TARS3: variants seen among roughly 807,000 people sequenced by gnomAD.
TARS3 encodes threonyl-tRNA synthetase 3.
TARS3 carries 94 observed loss-of-function variants against 103.5 expected under a neutral mutation model. The ratio of observed to expected loss-of-function variants is 0.91; its 90% CI spans 0.77 to 1.08. TARS3 has a LOEUF of 1.08. Among genes scored for constraint, TARS3 ranks in the 50% least tolerant of loss-of-function variants. TARS3 has a pLI of 0.00. For missense variants in TARS3, 952 were observed against 995.2 expected (o/e 0.96, Z 0.58); for synonymous variants, 416 against 355.4 (o/e 1.17, Z -1.92).
chr15:101,654,632 G>GT lies in TARS3; in HGVS notation c.2358dup (p.Leu787ThrfsTer13). ...GTCCGTGTCTTCCTGAGATTCTTCA[G>GT]TTTATCAATGGCAGAAGTTACTAAA... On this transcript the variant is annotated frameshift_variant, in exon 19 of 19. Transcript: ENST00000335968. LOFTEE classifies it high-confidence loss of function. 1 of 1,614,178 alleles carries GT rather than the reference G, an allele frequency of 6.2e-7. No homozygotes were observed. The highest frequency in any genetic ancestry group is 8.5e-7 in the Non-Finnish European group (1 of 1,180,018).
intron 12 of TARS3, among the ~76,000 whole-genome samples, chr15:101,683,487 C>T (rs7181172): frequency 0.63 from 96,289 of 152,054 alleles, 31,362 homozygotes; most frequent in East Asian, 0.95. Context: ...AAATATTCTA[C>T]GTGCAATTTC....
intron 1 of TARS3, 92 bp downstream of exon 1, chr15:101,723,999 C>G: frequency 1.6e-6 from 2 of 1,216,018 alleles, no homozygotes; most frequent in South Asian, 4.3e-5. Context: ...GGGGCGCCCC[C>G]GCACCTGCCC....
chr15:101,702,707 C>T (rs1229368214), intron 8 of TARS3, among the ~76,000 whole-genome samples: 1 of 152,170 alleles, frequency 6.6e-6, no homozygotes, highest in African/African-American at 2.4e-5. Flanking sequence ...GAGGTCGAGG[C>T]TGCAGTGAGC....
intron 12 of TARS3, among the ~76,000 whole-genome samples, chr15:101,683,616 A>G (rs942656603): frequency 6.6e-6 from 1 of 152,218 alleles, no homozygotes; most frequent in Non-Finnish European, 1.5e-5. Context: ...CCCACCCCAC[A>G]TGAAGCACAT....
chr15:101,699,710 C>G (rs1425422890), intron 10 of TARS3, among the ~76,000 whole-genome samples: 1 of 152,150 alleles, frequency 6.6e-6, no homozygotes, highest in Non-Finnish European at 1.5e-5. Context: ...GATGTGTACC[C>G]CAGGTGATAG....
At chr15:101,676,463 T>C (rs1042711174) in intron 12 of TARS3, among the ~76,000 whole-genome samples, 2 of 152,084 alleles carry the variant, frequency 1.3e-5, no homozygotes, top group African/African-American at 4.8e-5. Context: ...ATTTGAGACA[T>C]CAAGTCTTTC....
At chr15:101,710,362 T>C (rs956119069) in intron 5 of TARS3, among the ~76,000 whole-genome samples, 2 of 152,208 alleles carry the variant, frequency 1.3e-5, no homozygotes, top group Admixed American at 6.5e-5. Context: ...TCTAGCAAAT[T>C]ATTGAACCCA....
At chr15:101,695,367 C>T (rs554987215) in intron 10 of TARS3, among the ~76,000 whole-genome samples, 27 of 152,280 alleles carry the variant, frequency 1.8e-4, no homozygotes, top group African/African-American at 6.3e-4. Context: ...TATGCATTCT[C>T]TGACTTATCT....
rs1897140443 is a variant in TARS3, at chr15:101,654,877, T to G, written c.2261-147A>C. 7 of 786,756 alleles carry G rather than the reference T, an allele frequency of 8.9e-6. No individual in the cohort carries two copies. In the Admixed American group the frequency reaches 2.0e-4, roughly 22 times the overall value. The allele number at this position is 786,756 out of a possible 1,614,324, so 48.7% of individuals were successfully genotyped here. The stretch of plus-strand genomic sequence containing the variant: ...AGCATTTGGTTCATCCTCTGATAGT[T>G]AAGTTTCTTGAGGGAAGCAATGACT... On this transcript the variant is annotated intron_variant, in intron 18 of 18. Coordinates refer to ENST00000335968, the MANE Select transcript of TARS3 (RefSeq NM_152334.3).
chr15:101,702,787 C>A (rs1399241657), intron 8 of TARS3, among the ~76,000 whole-genome samples: 1 of 152,138 alleles, frequency 6.6e-6, no homozygotes, highest in Admixed American at 6.5e-5. Context: ...AACAAACAAA[C>A]AAACAAAATC....
Position 101,683,979 on chromosome 15 carries a change from C to G in TARS3, c.1650+96G>C, listed in dbSNP as rs537208993. The stretch of plus-strand genomic sequence containing the variant: ...AATGAATCTCAGAGACTAGACCAAA[C>G]GTCTATGTTTCAGTAACTCTGAAAG... On this transcript the variant is annotated intron_variant, in intron 12 of 18. Transcript: ENST00000335968. 1.2e-5 allele frequency: 15 copies of G among 1,270,136 alleles called. No homozygotes were observed. The Admixed American group carries it at 2.3e-4, about 20-fold the overall frequency. 78.7% of individuals were successfully genotyped at this position (1,270,136 alleles called of 1,614,324 possible). A position where few individuals can be genotyped will look rare whatever the true frequency, so the allele number is the denominator to read the frequency against.
At chr15:101,707,554 A>T (rs1250994560) in intron 6 of TARS3, among the ~76,000 whole-genome samples, 1 of 152,204 alleles carries the variant, frequency 6.6e-6, no homozygotes, top group Non-Finnish European at 1.5e-5. Flanking sequence ...TAAAATATGG[A>T]TGAATCTTGA....
At chr15:101,722,767 G>A (rs1414200035) in intron 2 of TARS3, among the ~76,000 whole-genome samples, 1 of 150,152 alleles carries the variant, frequency 6.7e-6, no homozygotes, top group East Asian at 2.0e-4. Flanking sequence ...TGCAGTAACC[G>A]AGATCATGCC....
At chr15:101,693,018 T>G in intron 10 of TARS3, among the ~76,000 whole-genome samples, 1 of 152,150 alleles carries the variant, frequency 6.6e-6, no homozygotes, top group South Asian at 2.1e-4. Context: ...TTTCAAGACA[T>G]GCATCAACAA....
intron 15 of TARS3, among the ~76,000 whole-genome samples, chr15:101,665,664 T>A (rs1231392111): frequency 6.6e-6 from 1 of 152,206 alleles, no homozygotes; most frequent in African/African-American, 2.4e-5. Context: ...TTGGAAGAAT[T>A]AATAAGATGG....
At chr15:101,704,283 G>C (rs748086832) in intron 7 of TARS3, among the ~76,000 whole-genome samples, 10 of 152,192 alleles carry the variant, frequency 6.6e-5, no homozygotes, top group African/African-American at 2.4e-4. Context: ...TCTAGGGAGA[G>C]AGCTTGTAAA....
chr15:101,722,355 G>A (rs1900517548), intron 2 of TARS3, among the ~76,000 whole-genome samples: 1 of 151,210 alleles, frequency 6.6e-6, no homozygotes, highest in African/African-American at 2.4e-5. Flanking sequence ...TTCTCTAGTT[G>A]TTTGTCCTGA....
intron 15 of TARS3, among the ~76,000 whole-genome samples, chr15:101,662,172 T>A (rs944672423): frequency 2.0e-5 from 3 of 152,182 alleles, no homozygotes; most frequent in Non-Finnish European, 2.9e-5. Flanking sequence ...TCTTCATTTT[T>A]AAAATGTTCC....
intron 16 of TARS3, among the ~76,000 whole-genome samples, chr15:101,658,310 G>T (rs1383781298): frequency 5.7e-5 from 2 of 35,296 alleles, no homozygotes; most frequent in African/African-American, 8.9e-5. Context: ...AACACCATCA[G>T]CAAAAAAAAA....
Sources: gnomAD v4.1 joint callset for allele counts (sites outside exome capture counted in the v4.1 genomes callset) on GRCh38, gnomAD v4.1.1 for gene constraint, MANE v1.5 for transcripts, NCBI Gene and HGNC (gene_info 2026-07-23, HGNC 2026-07-21) for gene names.